Variants in OSR2 observed in about 807,000 individuals in gnomAD.
The protein encoded by OSR2 is protein odd-skipped-related 2.
In OSR2, 8 loss-of-function variants were observed where a neutral mutation model predicts 22.3. The ratio of observed to expected loss-of-function variants is 0.36; its 90% confidence interval spans 0.21 to 0.65. The LOEUF (loss-of-function observed/expected upper bound fraction) is 0.65. Ranked by LOEUF, OSR2 falls within the 30% of genes least tolerant of loss-of-function variation. The pLI is 0.66. For missense variants in OSR2, 311 were observed against 413.4 expected (o/e 0.75, Z 2.15); for synonymous variants, 179 against 173.8 (o/e 1.03, Z -0.23).
At position 98,948,067 on chromosome 8, in the gene OSR2, C is replaced by CG; in HGVS notation, c.-114-767dup. The CG allele has an allele frequency of 7.8e-7, 1 of 1,288,484 alleles. No individual in the cohort carries two copies. The highest frequency in any genetic ancestry group is 9.9e-7 in the Non-Finnish European group (1 of 1,005,512). The allele number at this position is 1,288,484 out of a possible 1,614,324, so 79.8% of individuals were successfully genotyped here. ...TGAACCATCTGGAAGGGATCTTAGTCGGGGGTTGGGAGGAGAGCCCGTGGA... is the reference window on the plus strand; with the variant it reads ...TGAACCATCTGGAAGGGATCTTAGTCGGGGGGTTGGGAGGAGAGCCCGTGGA... On this transcript the variant is annotated intron_variant, in intron 1 of 3. Transcript: ENST00000297565. The surrounding 1 kb of genome is among the most constrained non-coding windows in gnomAD (Gnocchi z 6.0).
In OSR2 at chr8:98,951,847, A is replaced by C; in HGVS notation, c.*146A>C. 1 of 733,622 alleles carries C rather than the reference A, an allele frequency of 1.4e-6. No individual in the cohort carries two copies. Among genetic ancestry groups the C allele is most frequent in the East Asian group, 2.7e-5 (1 of 36,888 alleles). The allele number at this position is 733,622 out of a possible 1,614,324, so 45.4% of individuals were successfully genotyped here. ...CCGCACCTGCAGCTCCAGGGAGTTA[A>C]CTCTTCTTCTGGGGGACTGAGAACT... is the stretch of plus-strand genomic sequence containing the variant. On this transcript the variant is annotated 3_prime_UTR_variant, in exon 4 of 4. Transcript: ENST00000297565.
At chr8:98,950,122 G>T (rs1001564135) in intron 2 of OSR2, among the ~76,000 whole-genome samples, 10 of 151,992 alleles carry the variant, frequency 6.6e-5, no homozygotes, top group Non-Finnish European at 1.5e-4. Flanking sequence ...TCCCTTCCGC[G>T]ACCTTAAACT....
Position 98,949,242 on chromosome 8 carries a change from C to G in OSR2, c.290C>G (p.Pro97Arg). Residue 97 changes from proline (P) to arginine (R), a missense_variant, in exon 2 of 4, where the codon CCC becomes CGC. Physicochemically the swap from Pro to Arg is moderately radical, Grantham distance 103. Coordinates refer to ENST00000297565, the MANE Select transcript of OSR2 (RefSeq NM_001142462.3). The surrounding 1 kb of genome is among the most constrained non-coding windows in gnomAD (Gnocchi z 5.9). ...ALPFTTHLFH[P>R]KQGAIAHVLP... ...CCTTTTACCACCCACCTATTCCACC[C>G]CAAGCAGGGGGCCATTGCCCACGTC... is the stretch of plus-strand genomic sequence containing the variant. 6.2e-7 allele frequency: 1 copy of G among 1,602,348 alleles called. No individual in the cohort carries two copies. The highest frequency in any genetic ancestry group is 2.2e-5 in the East Asian group (1 of 44,722).
In OSR2 at chr8:98,949,182, G is replaced by A; in HGVS notation, c.230G>A (p.Gly77Asp). ...ATCACGGAGATGGCGGCGGCGCAGG[G>A]CCTCGTGGACGCGCGCTTCCCCTTC... ...STITEMAAAQ[G>D]LVDARFPFPA... The change falls in exon 2 of 4, where the codon GGC (glycine) becomes GAC (aspartate). Residue 77 changes from glycine to aspartate, a missense_variant. Physicochemically the swap from Gly to Asp is moderately conservative, Grantham distance 94 (BLOSUM62 -1). Transcript: ENST00000297565. The surrounding 1 kb of genome is among the most constrained non-coding windows in gnomAD (Gnocchi z 5.9). 1 of 1,598,928 alleles carries A rather than the reference G, an allele frequency of 6.3e-7. No individual in the cohort carries two copies. Among genetic ancestry groups the A allele is most frequent in the Non-Finnish European group, 8.5e-7 (1 of 1,172,456 alleles).
At chr8:98,947,810 C>G (rs771305372) in intron 1 of OSR2, among the ~76,000 whole-genome samples, 1 of 152,192 alleles carries the variant, frequency 6.6e-6, no homozygotes, top group Non-Finnish European at 1.5e-5. Context: ...CTGCAGCTCC[C>G]CTGCAGCTCC....
Position 98,951,737 on chromosome 8 carries a change from C to T in OSR2, c.*36C>T, listed in dbSNP as rs1163459738. On this transcript the variant is annotated 3_prime_UTR_variant, in exon 4 of 4. Transcript: ENST00000297565. ...GATCTGTCCCGTGCCGCCGCTGCTC[C>T]CCTCCCCAGACACCTCTCCACGTCT... is the stretch of plus-strand genomic sequence containing the variant. 8.9e-6 allele frequency: 14 copies of T among 1,578,426 alleles called. No homozygotes were observed. Among genetic ancestry groups the T allele is most frequent in the South Asian group, 1.2e-5 (1 of 86,936 alleles).
rs1264192027 is a variant in OSR2 at position 98,951,744 on chromosome 8, C to G, written c.*43C>G. ...CCCGTGCCGCCGCTGCTCCCCTCCCCAGACACCTCTCCACGTCTCCTACCC... is the reference window on the plus strand; with the variant it reads ...CCCGTGCCGCCGCTGCTCCCCTCCCGAGACACCTCTCCACGTCTCCTACCC... On this transcript the variant is annotated 3_prime_UTR_variant, in exon 4 of 4. Transcript: ENST00000297565. The G allele has an allele frequency of 2.5e-6, 4 of 1,569,138 alleles. No individual in the cohort carries two copies. Among genetic ancestry groups the G allele is most frequent in the Non-Finnish European group, 3.5e-6 (4 of 1,158,016 alleles).
At chr8:98,947,682 G>GAAGCGC (rs948669457) in intron 1 of OSR2, among the ~76,000 whole-genome samples, 11 of 152,284 alleles carry the variant, frequency 7.2e-5, no homozygotes, top group Middle Eastern at 3.4e-3. Context: ...GGAGAGAGGG[G>GAAGCGC]AAGCGCCCTG....
At chr8:98,951,376 CG>C in intron 3 of OSR2, 142 bp from the exon 4 acceptor site, 1 of 781,148 alleles carries the variant, frequency 1.3e-6, no homozygotes, top group Non-Finnish European at 2.0e-6. Context: ...ATTAGGAGCA[CG>C]GATTTGTTCC....
chr8:98,948,865 C>G lies in OSR2; in HGVS notation c.-88C>G. ...GCTTTCTCTACGTGCTGTTGTCTCA[C>G]TGGGTTTTTGTCGGAGCCCCACGCC... is the stretch of plus-strand genomic sequence containing the variant. On this transcript the variant is annotated 5_prime_UTR_variant, in exon 2 of 4. Transcript: ENST00000297565. The surrounding 1 kb of genome is among the most constrained non-coding windows in gnomAD (Gnocchi z 6.0). 1 of 1,610,128 alleles carries G rather than the reference C, an allele frequency of 6.2e-7. No homozygotes were observed. The highest frequency in any genetic ancestry group is 8.5e-7 in the Non-Finnish European group (1 of 1,178,812).
rs773429604 is a variant in OSR2, at chr8:98,948,944, T to C, written c.-9T>C. ...GTTGGTCCCCTCAGCACCCCCAGCATCCCGGAAAATGGGGAGCAAGGCTCT... is the reference window on the plus strand; with the variant it reads ...GTTGGTCCCCTCAGCACCCCCAGCACCCCGGAAAATGGGGAGCAAGGCTCT... On this transcript the variant is annotated 5_prime_UTR_variant, in exon 2 of 4. Coordinates refer to ENST00000297565, the MANE Select transcript of OSR2 (RefSeq NM_001142462.3). The surrounding 1 kb of genome is among the most constrained non-coding windows in gnomAD (Gnocchi z 6.0). 6.2e-7 allele frequency: 1 copy of C among 1,613,838 alleles called. No individual in the cohort carries two copies. Among genetic ancestry groups the C allele is most frequent in the Non-Finnish European group, 8.5e-7 (1 of 1,179,886 alleles).
In OSR2 at chr8:98,949,477, G is replaced by C; in HGVS notation, c.525G>C (p.Lys175Asn). The C allele has an allele frequency of 6.2e-7, 1 of 1,614,066 alleles. No homozygotes were observed. Among genetic ancestry groups the C allele is most frequent in the Non-Finnish European group, 8.5e-7 (1 of 1,179,900 alleles). The change falls in exon 2 of 4, where the codon AAG becomes AAC. Residue 175 changes from lysine to asparagine, a missense_variant. This residue lies in a region of OSR2 where 53 missense variants were observed against 59.5 expected (regional missense o/e 0.89). Transcript: ENST00000297565. The surrounding 1 kb of genome is among the most constrained non-coding windows in gnomAD (Gnocchi z 5.9). ...AAACGAAAAAAGAGTTTATCTGCAA[G>C]TTTTGCGGCAGACACTTTACCAAAT... ...PSKTKKEFIC[K>N]FCGRHFTKSY...
chr8:98,951,642 A>C lies in OSR2; in HGVS notation c.880A>C (p.Arg294=). Residue 294 remains arginine (R), a synonymous_variant, in exon 4 of 4, where the codon AGG becomes CGG. Transcript: ENST00000297565. ...CTGCGAGCAGTGCGGCAAAGTGTTC[A>C]GGCGAAACTGTGATCTGCGGCGGCA... The part of the protein sequence containing the change: ...YSCEQCGKVF[R]RNCDLRRHSL... The C allele has an allele frequency of 1.1e-5, 18 of 1,613,982 alleles. No individual in the cohort carries two copies. The highest frequency in any genetic ancestry group is 1.4e-5 in the Non-Finnish European group (17 of 1,179,888).
Position 98,949,500 on chromosome 8 carries a change from A to G in OSR2, c.548A>G (p.Lys183Arg). 6.2e-7 allele frequency: 1 copy of G among 1,614,062 alleles called. No homozygotes were observed. The highest frequency in any genetic ancestry group is 8.5e-7 in the Non-Finnish European group (1 of 1,179,928). ...ICKFCGRHFT[K>R]SYNLLIHERT... ...AAGTTTTGCGGCAGACACTTTACCA[A>G]ATCCTACAATTTGCTCATCCATGAG... is the stretch of plus-strand genomic sequence containing the variant. The change falls in exon 2 of 4, where the codon AAA (lysine) becomes AGA (arginine). Residue 183 changes from lysine (K) to arginine (R), a missense_variant. Coordinates refer to ENST00000297565, the MANE Select transcript of OSR2 (RefSeq NM_001142462.3). This position sits in a 1 kb window ranked among gnomAD's most constrained non-coding sequence, Gnocchi z 5.9.
At chr8:98,945,328 C>T (rs1012810588) in intron 1 of OSR2, among the ~76,000 whole-genome samples, 1 of 152,240 alleles carries the variant, frequency 6.6e-6, no homozygotes, top group Non-Finnish European at 1.5e-5. Flanking sequence ...CTCCTCCCAC[C>T]TTCTAGTCCT....
At position 98,948,301 on chromosome 8, in the gene OSR2, C is replaced by A; in HGVS notation, c.-114-538C>A. ...GGCTTCGCTCTTGCACGCCGGCTTGCCATCCGGGTAAGCGCGGGAAAGGCG... is the reference window on the plus strand; with the variant it reads ...GGCTTCGCTCTTGCACGCCGGCTTGACATCCGGGTAAGCGCGGGAAAGGCG... On this transcript the variant is annotated intron_variant, in intron 1 of 3. Coordinates refer to ENST00000297565, the MANE Select transcript of OSR2 (RefSeq NM_001142462.3). The surrounding 1 kb of genome is among the most constrained non-coding windows in gnomAD (Gnocchi z 6.0). 1 of 1,523,938 alleles carries A rather than the reference C, an allele frequency of 6.6e-7. No homozygotes were observed. Among genetic ancestry groups the A allele is most frequent in the Non-Finnish European group, 8.8e-7 (1 of 1,139,958 alleles). The allele number at this position is 1,523,938 out of a possible 1,614,324, so 94.4% of individuals were successfully genotyped here.
chr8:98,948,764 G>T lies in OSR2; in HGVS notation c.-114-75G>T, dbSNP rs1028351559. 1 of 1,437,528 alleles carries T rather than the reference G, an allele frequency of 7.0e-7. No individual in the cohort carries two copies. The highest frequency in any genetic ancestry group is 2.3e-5 in the Admixed American group (1 of 42,590). 89.0% of individuals were successfully genotyped at this position (1,437,528 alleles called of 1,614,324 possible). ...GGGAGACTTAGGTGTGGTAACCTGC[G>T]CAGGTGCCAAAGGGCAGAAGGAGCA... On this transcript the variant is annotated intron_variant, in intron 1 of 3. Coordinates refer to ENST00000297565, the MANE Select transcript of OSR2 (RefSeq NM_001142462.3). This position sits in a 1 kb window ranked among gnomAD's most constrained non-coding sequence, Gnocchi z 6.0.
chr8:98,947,260 G>A (rs1005682067), intron 1 of OSR2, among the ~76,000 whole-genome samples: 3 of 152,116 alleles, frequency 2.0e-5, no homozygotes, highest in African/African-American at 7.2e-5. Flanking sequence ...CCCTTCCAGA[G>A]GAAGGTGTGG....
Position 98,949,541 on chromosome 8 carries a change from G to C in OSR2, c.589G>C (p.Glu197Gln). Residue 197 changes from glutamate (E) to glutamine (Q), a missense_variant, in exon 2 of 4, where the codon GAG (glutamate) becomes CAG (glutamine). By Grantham distance (29) the Glu-to-Gln change is conservative. Transcript: ENST00000297565. This position sits in a 1 kb window ranked among gnomAD's most constrained non-coding sequence, Gnocchi z 5.9. The part of the protein sequence containing the change: ...LLIHERTHTD[E>Q]RPYTCDICHK... ...CATCCATGAGAGGACCCACACGGAC[G>C]AGAGGCCGTACACGTGTGACATCTG... 1.2e-6 allele frequency: 2 copies of C among 1,614,142 alleles called. No homozygotes were observed. The highest frequency in any genetic ancestry group is 1.7e-6 in the Non-Finnish European group (2 of 1,180,008).
Sources: gnomAD v4.1 joint callset for allele counts (sites outside exome capture counted in the v4.1 genomes callset) on GRCh38, gnomAD v4.1.1 for gene constraint, gnomAD v4.1.1 regional missense constraint, Gnocchi (gnomAD v3.1) non-coding constraint, MANE v1.5 for transcripts, NCBI Gene and HGNC (gene_info 2026-07-23, HGNC 2026-07-21) for gene names.